The following USP32 variants were observed in gnomAD, a reference collection of about 807,000 sequenced individuals.
The protein encoded by USP32 is ubiquitin specific peptidase 32, also known as ubiquitin carboxyl-terminal hydrolase 32.
USP32 carries 59 observed loss-of-function variants against 204.8 expected under a neutral mutation model. The ratio of observed to expected loss-of-function variants is 0.29; its 90% CI spans 0.23 to 0.36. USP32 has a LOEUF of 0.36. USP32 is among the 10% of genes least tolerant of loss of function. The pLI is 1.00. For synonymous variants in USP32, 517 were observed against 678.4 expected (o/e 0.76, Z 3.70); for missense variants, 1,160 against 1,946.4 (o/e 0.60, Z 7.60).
Position 60,181,382 on chromosome 17 carries a change from G to C in USP32, c.4490C>G (p.Thr1497Ser), listed in dbSNP as rs751872551. 1.9e-6 allele frequency: 3 copies of C among 1,613,948 alleles called. No individual in the cohort carries two copies. The highest frequency in any genetic ancestry group is 2.5e-6 in the Non-Finnish European group (3 of 1,179,868). Residue 1497 changes from threonine to serine, a missense_variant, in exon 32 of 34, where the codon ACT becomes AGT. By Grantham distance (58) the Thr-to-Ser change is moderately conservative (BLOSUM62 1). Transcript: ENST00000300896. ...ACGAGTATCTTCTCTTTGGTCATCA[G>C]TGCTGTCTTCTTCACTGTGGTTTCC... Reference protein sequence around the residue: ...QLGNHSEEDSTDDQREDTRIK... With the variant: ...QLGNHSEEDSSDDQREDTRIK...
At chr17:60,304,238 T>C (rs1259545955) in intron 2 of USP32, among the ~76,000 whole-genome samples, 1 of 151,960 alleles carries the variant, frequency 6.6e-6, no homozygotes, top group African/African-American at 2.4e-5. Context: ...AAAAATTATG[T>C]AAGCCAGAAA....
At chr17:60,213,796 A>C in intron 17 of USP32, 134 bp from the exon 18 acceptor site, 3 of 919,026 alleles carry the variant, frequency 3.3e-6, no homozygotes, top group South Asian at 2.1e-5. Context: ...CTGGCCTACT[A>C]TAGTTGTTCA....
At chr17:60,360,205 T>C (rs2146050048) in intron 1 of USP32, among the ~76,000 whole-genome samples, 1 of 152,180 alleles carries the variant, frequency 6.6e-6, no homozygotes, top group Non-Finnish European at 1.5e-5. Flanking sequence ...CCAGGCACAG[T>C]GGCTCACACC....
intron 26 of USP32, among the ~76,000 whole-genome samples, chr17:60,203,805 G>A (rs890540013): frequency 6.6e-6 from 1 of 152,108 alleles, no homozygotes; most frequent in Non-Finnish European, 1.5e-5. Context: ...TCGAACTCCT[G>A]ACCTCACGAT....
intron 1 of USP32, among the ~76,000 whole-genome samples, chr17:60,356,420 CA>C (rs145799359): frequency 0.019 from 2,844 of 152,206 alleles, 32 homozygotes; most frequent in Non-Finnish European, 0.029. Context: ...CTTAAACCTC[CA>C]CACAAGCAGG....
At chr17:60,276,104 C>A (rs1038976197) in intron 5 of USP32, among the ~76,000 whole-genome samples, 1 of 151,962 alleles carries the variant, frequency 6.6e-6, no homozygotes, top group Non-Finnish European at 1.5e-5. Flanking sequence ...AACGGCTGGG[C>A]GTGGTGGCTC....
rs186197094 is a variant in USP32 at position 60,262,583 on chromosome 17, C to G, written c.990+2829G>C. Among the ~76,000 whole-genome samples the G allele has an allele frequency of 1.6e-3, 241 of 152,248 alleles. 2 individuals are homozygous for G. Among genetic ancestry groups the G allele is most frequent in the Non-Finnish European group, 7.4e-4 (50 of 68,012 alleles). ...ATCACTTGCTCTGTTCTACTTGAAT[C>G]TTTGGAGGTTTCTCCATAGTTTGGT... On this transcript the variant is annotated intron_variant, in intron 9 of 33. Coordinates refer to ENST00000300896, the MANE Select transcript of USP32 (RefSeq NM_032582.4).
chr17:60,256,165 C>A (rs1192999090), intron 9 of USP32, among the ~76,000 whole-genome samples: 2 of 150,310 alleles, frequency 1.3e-5, no homozygotes, highest in African/African-American at 2.5e-5. Context: ...TAGCAAGACA[C>A]CATCTCTTTG....
Position 60,410,459 on chromosome 17 carries a change from G to A in USP32, c.106+11787C>T, listed in dbSNP as rs916023816. Among the ~76,000 whole-genome samples the A allele has an allele frequency of 5.9e-5, 9 of 152,168 alleles. No individual in the cohort carries two copies. The East Asian group carries it at 1.4e-3, about 23-fold the overall frequency. The stretch of plus-strand genomic sequence containing the variant: ...TGAGGCGGGCAGATCACAAGGTCAG[G>A]AGATTGAGACCATCTTGGCTAACAC... On this transcript the variant is annotated intron_variant, in intron 1 of 3. Coordinates refer to the USP32 transcript ENST00000588898.
intron 29 of USP32, among the ~76,000 whole-genome samples, chr17:60,186,333 G>A (rs1024211777): frequency 6.6e-6 from 1 of 152,226 alleles, no homozygotes; most frequent in African/African-American, 2.4e-5. Context: ...GAAAGCCAGA[G>A]CATTATTAGT....
At chr17:60,261,393 T>C (rs1466889069) in intron 9 of USP32, among the ~76,000 whole-genome samples, 1 of 152,188 alleles carries the variant, frequency 6.6e-6, no homozygotes, top group Non-Finnish European at 1.5e-5. Flanking sequence ...ACACTTGTAA[T>C]CCTAGCACTT....
chr17:60,216,267 A>G (rs998161757), intron 16 of USP32, among the ~76,000 whole-genome samples: 29 of 146,636 alleles, frequency 2.0e-4, no homozygotes, highest in African/African-American at 7.5e-4. Flanking sequence ...ATGACAAGAG[A>G]TTATGGAAAT....
Position 60,180,604 on chromosome 17 carries a change from C to T in USP32, c.4582G>A (p.Val1528Ile), listed in dbSNP as rs747680390. 4.5e-5 allele frequency: 73 copies of T among 1,613,424 alleles called. No homozygotes were observed. The highest frequency in any genetic ancestry group is 5.8e-5 in the Non-Finnish European group (68 of 1,179,706). Residue 1528 changes from valine to isoleucine, a missense_variant, in exon 33 of 34, where the codon GTC becomes ATC. This residue lies in a region of USP32 where 244 missense variants were observed against 342.3 expected (regional missense o/e 0.71). Transcript: ENST00000300896. Reference protein sequence around the residue: ...HSGILGGGHYVTYAKNPNCKW... With the variant: ...HSGILGGGHYITYAKNPNCKW... The stretch of plus-strand genomic sequence containing the variant: ...CAGTTTGGGTTTTTGGCATAAGTGA[C>T]GTAATGGCCCCCACCCAGAATTCCT...
In USP32 at chr17:60,223,556, T is replaced by C; in HGVS notation, c.1463A>G (p.Asp488Gly). The change falls in exon 14 of 34, where the codon GAT becomes GGT. Residue 488 changes from aspartate to glycine, a missense_variant. Asp to Gly is a moderately conservative substitution (Grantham distance 94). Around this residue, in one of 8 missense-constraint regions of USP32, gnomAD observed 536 missense variants for 680.9 expected, o/e 0.79. Coordinates refer to ENST00000300896, the MANE Select transcript of USP32 (RefSeq NM_032582.4). ...GFLYSATPGADVCFARQHNTS... is the reference protein window; with the variant it reads ...GFLYSATPGAGVCFARQHNTS... The stretch of plus-strand genomic sequence containing the variant: ...GTTATGTTGTCGAGCAAAGCAAACA[T>C]CTGCCCCTGGTGTGGCAGAATACAG... 1 of 1,609,092 alleles carries C rather than the reference T, an allele frequency of 6.2e-7. No individual in the cohort carries two copies. Among genetic ancestry groups the C allele is most frequent in the Non-Finnish European group, 8.5e-7 (1 of 1,178,904 alleles).
rs111297586 is a variant in USP32, at chr17:60,336,648, G to A, written c.186+8833C>T. ...GGAGAATGGCGTGAACCCGGGAGGC[G>A]GAGCTTGCAGTGAGCCGAGATCCCG... is the stretch of plus-strand genomic sequence containing the variant. On this transcript the variant is annotated intron_variant, in intron 2 of 33. Coordinates refer to ENST00000300896, the MANE Select transcript of USP32 (RefSeq NM_032582.4). Among the ~76,000 whole-genome samples, 169 of 146,432 alleles carry A rather than the reference G, an allele frequency of 1.2e-3. 1 individual carries two copies. The highest frequency in any genetic ancestry group is 6.6e-3 in the South Asian group (31 of 4,682).
At chr17:60,356,681 A>C (rs548202761) in intron 1 of USP32, among the ~76,000 whole-genome samples, 1 of 152,306 alleles carries the variant, frequency 6.6e-6, no homozygotes, top group Non-Finnish European at 1.5e-5. Flanking sequence ...GCAGTAACAA[A>C]CCTTAAGGTA....
chr17:60,239,960 C>T lies in USP32; in HGVS notation c.1137-3720G>A, dbSNP rs573071657. On this transcript the variant is annotated intron_variant, in intron 11 of 33. Coordinates refer to ENST00000300896, the MANE Select transcript of USP32 (RefSeq NM_032582.4). ...CCATGTTGGCCAGGCTGGTCTCGAA[C>T]TCCTGACCTCAAATTATCTGCGCCT... Among the ~76,000 whole-genome samples the T allele has an allele frequency of 2.6e-5, 4 of 152,318 alleles. No individual in the cohort carries two copies. The South Asian group carries it at 8.3e-4, about 32-fold the overall frequency.
chr17:60,220,919 A>G (rs1567778356), intron 15 of USP32, among the ~76,000 whole-genome samples: 1 of 152,080 alleles, frequency 6.6e-6, no homozygotes, highest in Non-Finnish European at 1.5e-5. Context: ...AAGTGCTGGG[A>G]TTACAGGCGT....
At chr17:60,224,399 G>T (rs1386892081) in intron 13 of USP32, among the ~76,000 whole-genome samples, 1 of 152,230 alleles carries the variant, frequency 6.6e-6, no homozygotes, top group Non-Finnish European at 1.5e-5. Context: ...GAGGGAAGAA[G>T]CAGATTCTAC....
Sources: allele counts gnomAD v4.1 joint callset (sites outside exome capture counted in the v4.1 genomes callset), GRCh38; gene constraint gnomAD v4.1.1; regional missense constraint gnomAD v4.1.1; transcripts MANE v1.5; gene names NCBI Gene and HGNC (gene_info 2026-07-23, HGNC 2026-07-21).